The following PRKAR1A variants were observed in gnomAD, a reference collection of about 807,000 sequenced individuals.
The protein encoded by PRKAR1A is cAMP-dependent protein kinase type I-alpha regulatory subunit.
Under a neutral mutation model 52.0 loss-of-function variants are expected in PRKAR1A, and 3 were observed. The ratio of observed to expected loss-of-function variants is 0.06; its 90% CI spans 0.03 to 0.15. PRKAR1A has a LOEUF of 0.15. PRKAR1A is among the 10% of genes least tolerant of loss of function. The pLI is 1.00. For missense variants in PRKAR1A, 240 were observed against 477.4 expected, an observed-to-expected ratio of 0.50 and a Z score of 4.63; for synonymous variants, 188 against 168.4, an observed-to-expected ratio of 1.12 and a Z score of -0.90.
chr17:68,433,125 C>A, the PRKAR1A span, among the ~76,000 whole-genome samples: 1 of 152,232 alleles, frequency 6.6e-6, no homozygotes, highest in East Asian at 1.9e-4. Context: ...GTGCCAGGCA[C>A]GATGCTGAAC....
the PRKAR1A span, among the ~76,000 whole-genome samples, chr17:68,486,207 T>C: frequency 6.6e-6 from 1 of 152,250 alleles, no homozygotes; most frequent in South Asian, 2.1e-4. Context: ...TGAGGTTTTT[T>C]TTTTTAATGT....
At chr17:68,539,921 TC>T (rs1315218764) in intron 11 of PRKAR1A, 1 of 1,614,096 alleles carries the variant, frequency 6.2e-7, no homozygotes, top group Admixed American at 1.7e-5. Context: ...GAACCCATCA[TC>T]CCCGAACTTG....
At chr17:68,530,063 T>C (rs1024746084) in intron 10 of PRKAR1A, 62 bp downstream of exon 10, 22 of 1,562,388 alleles carry the variant, frequency 1.4e-5, no homozygotes, top group East Asian at 9.0e-5. Context: ...CAGTGAGATA[T>C]TGTAGTCTTC....
At chr17:68,540,579 C>G (rs997126270) in intron 11 of PRKAR1A, 2 of 555,856 alleles carry the variant, frequency 3.6e-6, no homozygotes, top group Non-Finnish European at 6.8e-6. Flanking sequence ...AGTGAACATA[C>G]AGCTTCCAAT....
At chr17:68,424,762 A>G in the PRKAR1A span, among the ~76,000 whole-genome samples, 1 of 152,180 alleles carries the variant, frequency 6.6e-6, no homozygotes, top group Non-Finnish European at 1.5e-5. Context: ...CTGTAATTGC[A>G]GCTACTCGGG....
the PRKAR1A span, chr17:68,429,860 A>T: frequency 2.3e-6 from 3 of 1,287,226 alleles, no homozygotes; most frequent in Non-Finnish European, 3.3e-6. Context: ...AGGTTCCGGG[A>T]TTACAGATGT....
chr17:68,470,105 CAG>C, the PRKAR1A span, among the ~76,000 whole-genome samples: 1 of 146,830 alleles, frequency 6.8e-6, no homozygotes, highest in Non-Finnish European at 1.5e-5. Context: ...TTTTTTGAGA[CAG>C]AGTCTCACTC....
chr17:68,544,051 A>G (rs1441790602), intron 11 of PRKAR1A, among the ~76,000 whole-genome samples: 1 of 152,222 alleles, frequency 6.6e-6, no homozygotes, highest in Non-Finnish European at 1.5e-5. Flanking sequence ...TTCTGCAGGT[A>G]TAAACAGAAG....
the PRKAR1A span, among the ~76,000 whole-genome samples, chr17:68,482,456 T>C: frequency 2.0e-5 from 3 of 152,210 alleles, no homozygotes; most frequent in Non-Finnish European, 4.4e-5. Context: ...ACAAGGATTA[T>C]TGGGACTTTT....
At position 68,527,906 on chromosome 17, in the gene PRKAR1A, T is replaced by C. The variant is rs761524376; in HGVS notation, c.769+6T>C. 2 of 1,606,444 alleles carry C rather than the reference T, an allele frequency of 1.2e-6. No homozygotes were observed. The highest frequency in any genetic ancestry group is 2.2e-5 in the South Asian group (2 of 90,892). ...TAGTAAAGTCTCTATTTTAGGTGAG[T>C]TGTAAAGTGTGTTAACTTTGCTAGT... On this transcript the variant is annotated splice_donor_region_variant and intron_variant, in intron 8 of 10. Coordinates refer to ENST00000589228, the MANE Select transcript of PRKAR1A (RefSeq NM_002734.5).
chr17:68,436,299 G>A, the PRKAR1A span: 5 of 1,285,914 alleles, frequency 3.9e-6, no homozygotes, highest in South Asian at 2.4e-5. Flanking sequence ...AGCCCCCGAC[G>A]GCAGGGCGTC....
chr17:68,498,610 A>G, the PRKAR1A span, among the ~76,000 whole-genome samples: 1 of 152,178 alleles, frequency 6.6e-6, no homozygotes, highest in African/African-American at 2.4e-5. Context: ...GTTAGGTGCC[A>G]TCCCCATGCC....
At chr17:68,465,625 A>ATTTTTTTTTTTTTTTTTTTTTTT in the PRKAR1A span, among the ~76,000 whole-genome samples, 7 of 67,186 alleles carry the variant, frequency 1.0e-4, 2 homozygotes, top group Non-Finnish European at 1.4e-4. Context: ...ACGCCCAGCA[A>ATTTTTTTTTTTTTTTTTTTTTTT]TTTTTTTTTT....
At chr17:68,519,405 A>G (rs1453067213) in intron 2 of PRKAR1A, among the ~76,000 whole-genome samples, 1 of 152,190 alleles carries the variant, frequency 6.6e-6, no homozygotes, top group Non-Finnish European at 1.5e-5. Context: ...GGTCAAGCAA[A>G]AGGGGGAAAA....
chr17:68,535,066 C>T (rs565732425), downstream of PRKAR1A: 1 of 358,272 alleles, frequency 2.8e-6, no homozygotes, highest in East Asian at 7.3e-5. Flanking sequence ...TCCATCAGTA[C>T]AGTTCCCGTT....
At chr17:68,455,051 T>C in the PRKAR1A span, among the ~76,000 whole-genome samples, 1 of 152,160 alleles carries the variant, frequency 6.6e-6, no homozygotes, top group Admixed American at 6.5e-5. Flanking sequence ...ATATTTATCA[T>C]TAATCAAATT....
At chr17:68,448,437 C>T in the PRKAR1A span, 5 of 152,118 alleles carry the variant, frequency 3.3e-5, no homozygotes, top group South Asian at 2.1e-4. Context: ...GATCTTGGTT[C>T]GTGGCTTTGC....
At chr17:68,443,855 A>G in the PRKAR1A span, among the ~76,000 whole-genome samples, 1 of 152,238 alleles carries the variant, frequency 6.6e-6, no homozygotes, top group African/African-American at 2.4e-5. Flanking sequence ...CCCACCACAC[A>G]ATGAAGGAAT....
At chr17:68,462,683 C>T in the PRKAR1A span, among the ~76,000 whole-genome samples, 1 of 152,166 alleles carries the variant, frequency 6.6e-6, no homozygotes, top group South Asian at 2.1e-4. Flanking sequence ...TCTGTCCCTT[C>T]CACTGGGTGC....
Sources: allele counts gnomAD v4.1 joint callset (sites outside exome capture counted in the v4.1 genomes callset), GRCh38; gene constraint gnomAD v4.1.1; transcripts MANE v1.5; gene names NCBI Gene and HGNC (gene_info 2026-07-23, HGNC 2026-07-21).